PCDHA13: variants seen among roughly 807,000 people sequenced by gnomAD.
PCDHA13 encodes protocadherin alpha 13, also known as protocadherin alpha-13.
In PCDHA13, 54 loss-of-function variants were observed where a neutral mutation model predicts 64.8. That is an observed-to-expected ratio of 0.83 (90% confidence interval 0.67 to 1.04). The LOEUF (loss-of-function observed/expected upper bound fraction) is 1.04, where lower values mean the gene tolerates loss of function less well. Among genes scored for constraint, PCDHA13 ranks in the 50% least tolerant of loss-of-function variants. The pLI is 0.00. For synonymous variants in PCDHA13, 587 were observed against 564.4 expected, an observed-to-expected ratio of 1.04 and a Z score of -0.57; for missense variants, 1,248 against 1,254.3, an observed-to-expected ratio of 0.99 and a Z score of 0.08.
In PCDHA13 at chr5:140,966,984, G is replaced by A. The variant is rs1217682338; in HGVS notation, c.2395-11965G>A. 4.4e-6 allele frequency: 7 copies of A among 1,603,802 alleles called. No individual in the cohort carries two copies. In the Admixed American group the frequency reaches 5.0e-5, roughly 11 times the overall value. Reference sequence around the variant, plus strand: ...CTGGGGCTTGAGCTGCGGCGCTTGGGGCCGGGTTGCTTGCGCATCAACCAT... The same window carrying A: ...CTGGGGCTTGAGCTGCGGCGCTTGGAGCCGGGTTGCTTGCGCATCAACCAT... On this transcript the variant is annotated intron_variant, in intron 1 of 3. Transcript: ENST00000289272.
At chr5:140,926,708 C>T in intron 1 of PCDHA13, 2 of 896,260 alleles carry the variant, frequency 2.2e-6, no homozygotes, top group Non-Finnish European at 3.1e-6. Flanking sequence ...CCCAGCTGGC[C>T]AGCCCCGGCA....
rs558490430 is a variant in PCDHA13, at chr5:140,909,702, G to A, written c.2394+25040G>A. ...AGCCAATGTGGGGGTTCTGCTAGCT[G>A]CTAAGTATACCTATGCCAATTATGC... is the stretch of plus-strand genomic sequence containing the variant. On this transcript the variant is annotated intron_variant, in intron 1 of 3. Transcript: ENST00000289272. Among the ~76,000 whole-genome samples the A allele has an allele frequency of 3.3e-5, 5 of 152,302 alleles. No individual in the cohort carries two copies. In the East Asian group the frequency reaches 9.6e-4, roughly 29 times the overall value.
intron 1 of PCDHA13, among the ~76,000 whole-genome samples, chr5:140,934,289 T>C (rs1584800076): frequency 6.6e-6 from 1 of 152,138 alleles, no homozygotes; most frequent in East Asian, 1.9e-4. Flanking sequence ...AGGGCATTCT[T>C]ACTGGTATTT....
Position 141,011,490 on chromosome 5 carries a change from A to T in PCDHA13, c.*1553A>T, listed in dbSNP as rs2098420792. On this transcript the variant is annotated 3_prime_UTR_variant, in exon 4 of 4. Transcript: ENST00000289272. ...GTAATTCCATTATATTTCCTTTTGT[A>T]CACCTGTGAAAAAGTGGAGTAGTGT... The T allele has an allele frequency of 1.3e-5, 2 of 153,734 alleles. No homozygotes were observed. The highest frequency in any genetic ancestry group is 2.9e-5 in the Non-Finnish European group (2 of 68,036). 9.5% of individuals were successfully genotyped at this position (153,734 alleles called of 1,614,324 possible). A position where few individuals can be genotyped will look rare whatever the true frequency, so the allele number is the denominator to read the frequency against.
intron 1 of PCDHA13, chr5:140,928,768 C>G: frequency 1.2e-6 from 2 of 1,614,136 alleles, no homozygotes; most frequent in Non-Finnish European, 1.7e-6. Context: ...CTTAGTTCTT[C>G]CCACTGATGC....
In PCDHA13 at chr5:141,010,181, C is replaced by G; in HGVS notation, c.*244C>G. The G allele has an allele frequency of 2.6e-6, 4 of 1,554,386 alleles. No individual in the cohort carries two copies. Among genetic ancestry groups the G allele is most frequent in the Non-Finnish European group, 3.5e-6 (4 of 1,148,120 alleles). On this transcript the variant is annotated 3_prime_UTR_variant, in exon 4 of 4. Transcript: ENST00000289272. ...TTGTTTTCAGAACCTAAAAAGCAGA[C>G]CCAAGTTTCCTTTCTCCTCCGCCGC... is the stretch of plus-strand genomic sequence containing the variant.
chr5:140,888,003 A>G (rs1187660261), intron 1 of PCDHA13, among the ~76,000 whole-genome samples: 1 of 152,112 alleles, frequency 6.6e-6, no homozygotes, highest in African/African-American at 2.4e-5. Context: ...CCGAATAGTC[A>G]TCTTTTTATC....
At chr5:140,948,865 C>T (rs1358865868) in intron 1 of PCDHA13, among the ~76,000 whole-genome samples, 4 of 151,324 alleles carry the variant, frequency 2.6e-5, no homozygotes, top group African/African-American at 4.8e-5. Flanking sequence ...TATATTACTT[C>T]GGGTTTACTT....
intron 1 of PCDHA13, among the ~76,000 whole-genome samples, chr5:140,886,696 C>T (rs564317930): frequency 2.0e-5 from 3 of 151,944 alleles, no homozygotes; most frequent in Non-Finnish European, 2.9e-5. Flanking sequence ...CATGGTGGCA[C>T]GCGCCTGTAA....
intron 1 of PCDHA13, among the ~76,000 whole-genome samples, chr5:140,886,084 G>C (rs1554182347): frequency 6.6e-6 from 1 of 152,140 alleles, no homozygotes; most frequent in East Asian, 1.9e-4. Flanking sequence ...CCACAACCTG[G>C]ATATTGACAT....
At chr5:140,985,317 A>C (rs1457089100) in intron 3 of PCDHA13, among the ~76,000 whole-genome samples, 1 of 152,134 alleles carries the variant, frequency 6.6e-6, no homozygotes, top group Non-Finnish European at 1.5e-5. Flanking sequence ...TGGTGGCCAG[A>C]ATTCAGTAGT....
chr5:140,984,971 T>A (rs1437915679), intron 3 of PCDHA13, among the ~76,000 whole-genome samples: 1 of 152,080 alleles, frequency 6.6e-6, no homozygotes, highest in East Asian at 1.9e-4. Flanking sequence ...AGAGTCTCGC[T>A]CTGTCCCCCA....
chr5:140,899,672 T>C (rs1280165974), intron 1 of PCDHA13, among the ~76,000 whole-genome samples: 1 of 152,218 alleles, frequency 6.6e-6, no homozygotes, highest in Non-Finnish European at 1.5e-5. Flanking sequence ...CCGGCTTTGG[T>C]ATCAGGATGA....
chr5:140,947,920 A>G (rs1336638527), intron 1 of PCDHA13, among the ~76,000 whole-genome samples: 1 of 151,504 alleles, frequency 6.6e-6, no homozygotes, highest in African/African-American at 2.4e-5. Context: ...TCTTGCCTTA[A>G]CCCTGATCTT....
At chr5:140,950,043 A>T (rs1011500100) in intron 1 of PCDHA13, among the ~76,000 whole-genome samples, 1 of 151,950 alleles carries the variant, frequency 6.6e-6, no homozygotes, top group Non-Finnish European at 1.5e-5. Flanking sequence ...TTACAACCAT[A>T]TAAGACTATT....
chr5:141,003,715 G>A (rs561348265), intron 3 of PCDHA13, among the ~76,000 whole-genome samples: 21 of 152,240 alleles, frequency 1.4e-4, no homozygotes, highest in African/African-American at 2.2e-4. Flanking sequence ...TGAAGATATC[G>A]GCTAATCCAA....
intron 1 of PCDHA13, chr5:140,968,724 G>C: frequency 6.2e-7 from 1 of 1,614,090 alleles, no homozygotes; most frequent in Non-Finnish European, 8.5e-7. Context: ...GATGAGAGTG[G>C]TAGCACTTTC....
Position 140,969,025 on chromosome 5 carries a change from T to G in PCDHA13, c.2395-9924T>G, listed in dbSNP as rs1554231368. On this transcript the variant is annotated intron_variant, in intron 1 of 3. Transcript: ENST00000289272. ...TCTGTGGAGTAAGGGAAAGGTCCCC[T>G]GCAGAACTGTACAAACAAGCCAACA... The G allele has an allele frequency of 1.9e-6, 3 of 1,614,178 alleles. No individual in the cohort carries two copies. The East Asian group carries it at 6.7e-5, about 36-fold the overall frequency.
intron 1 of PCDHA13, among the ~76,000 whole-genome samples, chr5:140,920,841 T>TA (rs781921146): frequency 0.047 from 5,179 of 109,134 alleles, 120 homozygotes; most frequent in African/African-American, 0.092. Flanking sequence ...AGACCAAATC[T>TA]AAAAAAAAAA....
Sources: gnomAD v4.1 joint callset for allele counts (sites outside exome capture counted in the v4.1 genomes callset) on GRCh38, gnomAD v4.1.1 for gene constraint, MANE v1.5 for transcripts, NCBI Gene and HGNC (gene_info 2026-07-23, HGNC 2026-07-21) for gene names.